Variants in TRMT2B observed in about 807,000 individuals in gnomAD.
The protein encoded by TRMT2B is tRNA (uracil-5-)-methyltransferase homolog B.
Under a neutral mutation model 39.7 loss-of-function variants are expected in TRMT2B, and 34 were observed. The ratio of observed to expected loss-of-function variants is 0.86; its 90% CI spans 0.65 to 1.14. The LOEUF (loss-of-function observed/expected upper bound fraction) is 1.14. Among genes scored for constraint, TRMT2B ranks in the 50% most tolerant of loss-of-function variants. The pLI is 0.00. For missense variants in TRMT2B, 318 were observed against 377.2 expected (o/e 0.84, Z 1.30); for synonymous variants, 132 against 137.3 (o/e 0.96, Z 0.27).
chrX:101,050,638 C>T (rs761428959), intron 2 of TRMT2B, among the ~76,000 whole-genome samples: 13 of 111,563 alleles, frequency 1.2e-4, no homozygotes, highest in African/African-American at 3.9e-4. Context: ...GCAGGAGAAT[C>T]GCTTGAACCT....
At chrX:101,031,858 G>C (rs764731832) in intron 7 of TRMT2B, among the ~76,000 whole-genome samples, 84 of 111,628 alleles carry the variant, frequency 7.5e-4, no homozygotes, top group Non-Finnish European at 1.3e-3. Flanking sequence ...CAATAAAGCT[G>C]TTGGTATGTA....
rs1260038759 is a variant in TRMT2B at position 101,037,914 on chromosome X, T to C, written c.438+3A>G. 1 of 1,209,053 alleles carries C rather than the reference T, an allele frequency of 8.3e-7. No homozygotes were observed. ...GATAAGGAATAGGGAGGTGGGGGCT[T>C]ACAGAGGGTATAATAGGATGGAGAA... On this transcript the variant is annotated splice_donor_region_variant and intron_variant, in intron 5 of 13. Coordinates refer to ENST00000372936, the MANE Select transcript of TRMT2B (RefSeq NM_024917.6).
chrX:100,992,356 G>A, the TRMT2B span, among the ~76,000 whole-genome samples: 1 of 111,471 alleles, frequency 9.0e-6, no homozygotes, highest in Non-Finnish European at 1.9e-5. Context: ...CAAGGCAGGT[G>A]GATCACTTGA....
Position 101,032,776 on chromosome X carries a change from C to CA in TRMT2B, c.609+2836dup, listed in dbSNP as rs749914577. Among the ~76,000 whole-genome samples the CA allele has an allele frequency of 9.1e-3, 258 of 28,497 alleles. 2 individuals are homozygous for CA. Among genetic ancestry groups the CA allele is most frequent in the East Asian group, 0.046 (43 of 927 alleles). The allele number at this position is 28,497 out of a possible 115,157, so 24.7% of individuals were successfully genotyped here. The stretch of plus-strand genomic sequence containing the variant: ...GGGCAAAAAGACTGAAACTCCGTCT[C>CA]AAAAAAAAAAAAAAAAAAGACTAGA... On this transcript the variant is annotated intron_variant, in intron 7 of 13. Transcript: ENST00000372936.
At chrX:100,988,855 T>TATATATATATATATGAGATAATATATCTC in the TRMT2B span, among the ~76,000 whole-genome samples, 1 of 55,627 alleles carries the variant, frequency 1.8e-5, no homozygotes, top group African/African-American at 7.3e-5. Context: ...ATATCTCATA[T>TATATATATATATATGAGATAATATATCTC]ATATATATAT....
intron 11 of TRMT2B, among the ~76,000 whole-genome samples, chrX:101,019,666 CTCTG>C (rs992327989): frequency 7.4e-5 from 8 of 107,593 alleles, no homozygotes; most frequent in African/African-American, 2.7e-4. Flanking sequence ...CAGAGTCTCA[CTCTG>C]TCACCCAGAC....
chrX:100,973,435 C>T, the TRMT2B span, among the ~76,000 whole-genome samples: 3 of 106,598 alleles, frequency 2.8e-5, no homozygotes, highest in South Asian at 8.8e-4. Context: ...CGGCGCTCGC[C>T]GGCGCGGCGG....
At chrX:100,982,315 A>ACC in the TRMT2B span, among the ~76,000 whole-genome samples, 61 of 109,187 alleles carry the variant, frequency 5.6e-4, no homozygotes, top group East Asian at 0.011. Context: ...ACATGGTGAA[A>ACC]CCCCCGTCTC....
Position 101,019,421 on chromosome X carries a change from A to C in TRMT2B, c.1169-18T>G, listed in dbSNP as rs200680392. On this transcript the variant is annotated intron_variant, in intron 11 of 13. Coordinates refer to ENST00000372936, the MANE Select transcript of TRMT2B (RefSeq NM_024917.6). ...GGTGATGCCTATGGAAGACAGGCCCACAGGACATAACTCAAGCCCAGCAGT... is the reference window on the plus strand; with the variant it reads ...GGTGATGCCTATGGAAGACAGGCCCCCAGGACATAACTCAAGCCCAGCAGT... 1,742 of 1,207,222 alleles carry C rather than the reference A, an allele frequency of 1.4e-3. 5 individuals carry two copies. Among genetic ancestry groups the C allele is most frequent in the Middle Eastern group, 1.9e-3 (8 of 4,318 alleles).
chrX:101,003,834 G>T, the TRMT2B span, among the ~76,000 whole-genome samples: 49,500 of 109,789 alleles, frequency 0.45, 9,007 homozygotes, highest in African/African-American at 0.65. Flanking sequence ...TTTGTTTTGT[G>T]TTGTTTTGTT....
the TRMT2B span, among the ~76,000 whole-genome samples, chrX:100,994,220 C>G: frequency 1.8e-5 from 2 of 111,953 alleles, no homozygotes; most frequent in African/African-American, 6.5e-5. Context: ...ATCTCTTTCT[C>G]AGTGGGGCAG....
chrX:101,037,920 G>A lies in TRMT2B; in HGVS notation c.435C>T (p.Pro145=), dbSNP rs921377426. 25 of 1,207,886 alleles carry A rather than the reference G, an allele frequency of 2.1e-5. No individual in the cohort carries two copies. The highest frequency in any genetic ancestry group is 2.7e-5 in the Non-Finnish European group (24 of 894,286). Residue 145 remains proline (P), a synonymous_variant, in exon 5 of 14, where the codon CCC becomes CCT. Transcript: ENST00000372936. ...RLSCLLHPII[P]SPVINGYRNK... ...GAATAGGGAGGTGGGGGCTTACAGA[G>A]GGTATAATAGGATGGAGAAGACAAG...
chrX:100,997,237 CT>C, the TRMT2B span, among the ~76,000 whole-genome samples: 2 of 111,866 alleles, frequency 1.8e-5, no homozygotes, highest in African/African-American at 6.5e-5. Context: ...TTTCCAAAGA[CT>C]ATAGTTAGTT....
intron 7 of TRMT2B, among the ~76,000 whole-genome samples, chrX:101,028,363 C>A (rs62602396): frequency 0.2 from 22,215 of 109,657 alleles, 1,864 homozygotes; most frequent in African/African-American, 0.25. Context: ...AGGTGATCTG[C>A]CCACCTCAGC....
intron 12 of TRMT2B, 91 bp downstream of exon 12, chrX:101,019,193 C>A: frequency 8.6e-7 from 1 of 1,162,396 alleles, no homozygotes; most frequent in Non-Finnish European, 1.2e-6. Context: ...TCAGAGCCAG[C>A]CCACTGGGAG....
rs906776079 is a variant in TRMT2B at position 101,022,424 on chromosome X, C to G, written c.757-362G>C. Among the ~76,000 whole-genome samples, 15 of 110,822 alleles carry G rather than the reference C, an allele frequency of 1.4e-4. No homozygotes were observed. The Admixed American group carries it at 1.4e-3, about 10-fold the overall frequency. On this transcript the variant is annotated intron_variant, in intron 8 of 13. Transcript: ENST00000372936. ...TCAGTTGAGGTCAGGAGTTCCAGAC[C>G]AGCCTGGCCAACATGGTGAAACCCC...
chrX:101,026,972 G>A (rs922514599), intron 7 of TRMT2B, among the ~76,000 whole-genome samples: 6 of 111,263 alleles, frequency 5.4e-5, no homozygotes, highest in African/African-American at 1.6e-4. Context: ...CCTCTTTGTC[G>A]TAAAACTAAT....
downstream of TRMT2B, among the ~76,000 whole-genome samples, chrX:101,005,901 AAAAG>A (rs1434926327): frequency 6.0e-5 from 6 of 100,723 alleles, no homozygotes; most frequent in South Asian, 4.4e-4. Context: ...AAAAAAAAAA[AAAAG>A]AAAGAGAGAA....
chrX:101,003,157 C>T, the TRMT2B span, among the ~76,000 whole-genome samples: 7 of 107,997 alleles, frequency 6.5e-5, no homozygotes, highest in South Asian at 4.2e-4. Flanking sequence ...CTCAAGAAAT[C>T]CTCCAGCTTC....
Sources: gnomAD v4.1 joint callset for allele counts (sites outside exome capture counted in the v4.1 genomes callset) on GRCh38, gnomAD v4.1.1 for gene constraint, MANE v1.5 for transcripts, NCBI Gene and HGNC (gene_info 2026-07-23, HGNC 2026-07-21) for gene names.